The following CSMD1 variants were observed in gnomAD, a reference collection of about 807,000 sequenced individuals.
CSMD1 encodes the protein CUB and Sushi multiple domains 1.
Under a neutral mutation model 417.5 loss-of-function variants are expected in CSMD1, and 213 were observed. The observed-to-expected ratio is 0.51, with a 90% CI of 0.46 to 0.57. The LOEUF (loss-of-function observed/expected upper bound fraction) is 0.57, where lower values mean the gene tolerates loss of function less well. Among genes scored for constraint, CSMD1 ranks in the 20% least tolerant of loss-of-function variants. CSMD1 has a pLI of 0.00. For missense variants in CSMD1, 6,923 were observed against 4,529.7 expected (o/e 1.53, Z -15.17); for synonymous variants, 2,862 against 1,736.8 (o/e 1.65, Z -16.11).
At chr8:4,759,200 G>C (rs192179323) in intron 1 of CSMD1, among the ~76,000 whole-genome samples, 237 of 152,274 alleles carry the variant, frequency 1.6e-3, no homozygotes, top group African/African-American at 5.5e-3. Flanking sequence ...GTCTTGACTT[G>C]AGGCCAGAGG....
At chr8:3,672,310 A>C (rs1799114498) in intron 7 of CSMD1, among the ~76,000 whole-genome samples, 1 of 151,896 alleles carries the variant, frequency 6.6e-6, no homozygotes, top group East Asian at 1.9e-4. Flanking sequence ...GAGAATCCTA[A>C]GGTTCTCCCA....
intron 3 of CSMD1, among the ~76,000 whole-genome samples, chr8:4,320,009 G>A (rs1374383646): frequency 6.6e-6 from 1 of 152,256 alleles, no homozygotes; most frequent in East Asian, 1.9e-4. Flanking sequence ...ATTGGGTTAA[G>A]TACTCAAAGT....
intron 12 of CSMD1, among the ~76,000 whole-genome samples, chr8:3,433,170 A>T (rs967429878): frequency 6.6e-6 from 1 of 152,234 alleles, no homozygotes; most frequent in African/African-American, 2.4e-5. Flanking sequence ...GAAACAATGA[A>T]TGAAATAGAA....
chr8:3,404,074 G>A (rs747138614), intron 15 of CSMD1, among the ~76,000 whole-genome samples: 40 of 152,098 alleles, frequency 2.6e-4, no homozygotes, highest in Non-Finnish European at 4.6e-4. Flanking sequence ...ATTACCAGAC[G>A]ATACTATAAA....
chr8:4,369,681 A>G (rs180760383), intron 3 of CSMD1, among the ~76,000 whole-genome samples: 1 of 152,248 alleles, frequency 6.6e-6, no homozygotes, highest in Admixed American at 6.5e-5. Context: ...TGAGCCCTTT[A>G]TCATTACGTA....
At chr8:3,153,560 C>T (rs956865572) in intron 39 of CSMD1, among the ~76,000 whole-genome samples, 2 of 152,208 alleles carry the variant, frequency 1.3e-5, no homozygotes, top group African/African-American at 4.8e-5. Context: ...AGGAAAACAA[C>T]AGAACCAGTA....
chr8:4,188,416 T>C (rs1038991848), intron 3 of CSMD1, among the ~76,000 whole-genome samples: 14 of 152,180 alleles, frequency 9.2e-5, no homozygotes, highest in Non-Finnish European at 1.8e-4. Context: ...TGCCTCAGAT[T>C]ATTTCGGCAG....
At chr8:3,602,424 T>G (rs945245035) in intron 8 of CSMD1, among the ~76,000 whole-genome samples, 1 of 152,078 alleles carries the variant, frequency 6.6e-6, no homozygotes, top group Non-Finnish European at 1.5e-5. Flanking sequence ...TTAGAAAAAT[T>G]AGGGAGCAGG....
chr8:3,820,459 A>C (rs1459258628), intron 5 of CSMD1, among the ~76,000 whole-genome samples: 1 of 152,326 alleles, frequency 6.6e-6, no homozygotes, highest in Admixed American at 6.5e-5. Flanking sequence ...CTGTCTTCCA[A>C]CTTGATACCT....
intron 5 of CSMD1, among the ~76,000 whole-genome samples, chr8:3,968,611 A>T (rs1213463145): frequency 6.6e-6 from 1 of 152,184 alleles, no homozygotes; most frequent in Non-Finnish European, 1.5e-5. Context: ...GCTAAGGAAG[A>T]TGTCTTTCTC....
chr8:3,574,617 C>T (rs550865040), intron 10 of CSMD1, among the ~76,000 whole-genome samples: 1 of 152,156 alleles, frequency 6.6e-6, no homozygotes, highest in African/African-American at 2.4e-5. Context: ...TGCATAAATA[C>T]TGTGGTATTT....
chr8:4,952,323 G>A (rs1277642003), intron 1 of CSMD1, among the ~76,000 whole-genome samples: 3 of 134,282 alleles, frequency 2.2e-5, no homozygotes, highest in South Asian at 5.0e-4. Flanking sequence ...CGCTTTTTGG[G>A]AATGAAAACA....
At chr8:4,037,524 A>G (rs1371846425) in intron 3 of CSMD1, among the ~76,000 whole-genome samples, 1 of 152,228 alleles carries the variant, frequency 6.6e-6, no homozygotes, top group Non-Finnish European at 1.5e-5. Context: ...TAATTTTAGA[A>G]GAATTTGAAA....
At chr8:4,586,850 G>A (rs577870008) in intron 2 of CSMD1, among the ~76,000 whole-genome samples, 1 of 152,274 alleles carries the variant, frequency 6.6e-6, no homozygotes, top group African/African-American at 2.4e-5. Flanking sequence ...CATGGCAGGT[G>A]TTCAACTTTT....
intron 10 of CSMD1, among the ~76,000 whole-genome samples, chr8:3,545,211 T>C (rs768495592): frequency 1.6e-4 from 24 of 152,222 alleles, no homozygotes; most frequent in Non-Finnish European, 2.6e-4. Flanking sequence ...ATTGTTTCCA[T>C]GTGTCTGTCT....
At chr8:4,479,010 G>A (rs566867923) in intron 2 of CSMD1, among the ~76,000 whole-genome samples, 2 of 152,078 alleles carry the variant, frequency 1.3e-5, no homozygotes, top group Non-Finnish European at 2.9e-5. Flanking sequence ...CTAAAACACT[G>A]TTGCAATTCC....
At chr8:4,562,457 CTG>C (rs1486685181) in intron 2 of CSMD1, among the ~76,000 whole-genome samples, 1 of 152,146 alleles carries the variant, frequency 6.6e-6, no homozygotes, top group Non-Finnish European at 1.5e-5. Context: ...TCAACTCAAA[CTG>C]TAGAGATTGA....
chr8:3,716,900 C>G (rs898381312), intron 6 of CSMD1, among the ~76,000 whole-genome samples: 2 of 152,118 alleles, frequency 1.3e-5, no homozygotes, highest in Non-Finnish European at 2.9e-5. Flanking sequence ...GTACATGGTA[C>G]TAAAATGCTG....
chr8:4,057,149 C>A (rs1798738265), intron 3 of CSMD1, among the ~76,000 whole-genome samples: 1 of 152,196 alleles, frequency 6.6e-6, no homozygotes, highest in South Asian at 2.1e-4. Flanking sequence ...TACAGTCCCA[C>A]CAACAGTGTA....
Sources: gnomAD v4.1 joint callset for allele counts (sites outside exome capture counted in the v4.1 genomes callset) on GRCh38, gnomAD v4.1.1 for gene constraint, MANE v1.5 for transcripts, NCBI Gene and HGNC (gene_info 2026-07-23, HGNC 2026-07-21) for gene names.